TUBB6: variants seen among roughly 807,000 people sequenced by gnomAD.
The protein encoded by TUBB6 is tubulin beta-6 chain.
Under a neutral mutation model 32.3 loss-of-function variants are expected in TUBB6, and 18 were observed. That is an observed-to-expected ratio of 0.56 (90% confidence interval 0.39 to 0.83). The LOEUF (loss-of-function observed/expected upper bound fraction) is 0.83. Ranked by LOEUF, TUBB6 falls within the 40% of genes least tolerant of loss-of-function variation. The pLI is 0.00. For synonymous variants in TUBB6, 280 were observed against 265.8 expected, an observed-to-expected ratio of 1.05 and a Z score of -0.52; for missense variants, 480 against 632.0, an observed-to-expected ratio of 0.76 and a Z score of 2.58.
chr18:12,317,139 G>C (rs1387211049), intron 3 of TUBB6, among the ~76,000 whole-genome samples: 1 of 149,362 alleles, frequency 6.7e-6, no homozygotes, highest in Non-Finnish European at 1.5e-5. Context: ...CTGGGTGATG[G>C]AGTGAGACCC....
At chr18:12,308,606 G>A in intron 1 of TUBB6, 81 bp from the exon 2 acceptor site, 1 of 1,102,814 alleles carries the variant, frequency 9.1e-7, no homozygotes, top group East Asian at 2.5e-5. Flanking sequence ...TCGGCCGCCG[G>A]GGCGCCTGGG....
intron 3 of TUBB6, among the ~76,000 whole-genome samples, chr18:12,315,666 A>G (rs77793317): frequency 0.018 from 2,728 of 152,342 alleles, 66 homozygotes; most frequent in African/African-American, 0.061. Flanking sequence ...GGACTCACGC[A>G]TAGAGGAGCC....
rs374385700 is a variant in TUBB6 at position 12,325,042 on chromosome 18, C to T, written c.278-25C>T. 8 of 1,544,632 alleles carry T rather than the reference C, an allele frequency of 5.2e-6. No individual in the cohort carries two copies. The African/African-American group carries it at 8.2e-5, about 16-fold the overall frequency. ...ATGGCGCAGCCCTTTCCTGTTTAAACGGCACGGGACTCTCTTTGTTGCAGG... is the reference window on the plus strand; with the variant it reads ...ATGGCGCAGCCCTTTCCTGTTTAAATGGCACGGGACTCTCTTTGTTGCAGG... On this transcript the variant is annotated intron_variant, in intron 3 of 3. Transcript: ENST00000317702.
intron 3 of TUBB6, chr18:12,324,733 G>A: frequency 2.4e-6 from 3 of 1,245,318 alleles, no homozygotes; most frequent in Non-Finnish European, 3.0e-6. Context: ...TTACAGGCAT[G>A]AGCCACGGCG....
Position 12,308,343 on chromosome 18 carries a change from CA to C in TUBB6, c.52del (p.Thr18ProfsTer6). The C allele has an allele frequency of 6.8e-7, 1 of 1,477,282 alleles. No individual in the cohort carries two copies. Among genetic ancestry groups the C allele is most frequent in the South Asian group, 1.3e-5 (1 of 77,696 alleles). The allele number at this position is 1,477,282 out of a possible 1,614,324, so 91.5% of individuals were successfully genotyped here. On this transcript the variant is annotated frameshift_variant, in exon 1 of 4. Coordinates refer to ENST00000317702, the MANE Select transcript of TUBB6 (RefSeq NM_032525.3). LOFTEE classifies it high-confidence loss of function. The stretch of plus-strand genomic sequence containing the variant: ...CGGGCCAGTGCGGGAACCAGATCGG[CA>C]CCAAGGTGGGCCTGGCGCGGTGCAG... ...QAGQCGNQIG[T>X]KFWEVISDEH... is the part of the protein sequence containing the mutation.
At chr18:12,308,639 C>G (rs1052974005) in intron 1 of TUBB6, 48 bp from the exon 2 acceptor site, 4 of 1,373,402 alleles carry the variant, frequency 2.9e-6, no homozygotes, top group Non-Finnish European at 4.1e-6. Flanking sequence ...GGCGGCGTCC[C>G]GGGCTCTGGG....
intron 3 of TUBB6, among the ~76,000 whole-genome samples, chr18:12,323,383 C>T (rs1907086109): frequency 1.3e-5 from 2 of 152,086 alleles, no homozygotes. Context: ...GAAAAAAATG[C>T]TTCTGCTAGT....
chr18:12,312,363 G>C (rs926922574), intron 3 of TUBB6, among the ~76,000 whole-genome samples: 1 of 152,198 alleles, frequency 6.6e-6, no homozygotes, highest in Non-Finnish European at 1.5e-5. Flanking sequence ...GAGGCAGACA[G>C]TGTAATGGTT....
At chr18:12,317,791 A>G (rs1428624943) in intron 3 of TUBB6, among the ~76,000 whole-genome samples, 1 of 152,232 alleles carries the variant, frequency 6.6e-6, no homozygotes, top group Non-Finnish European at 1.5e-5. Flanking sequence ...GTCTGGAGTC[A>G]CTGACTAACA....
Position 12,326,271 on chromosome 18 carries a change from G to C in TUBB6, c.*141G>C, listed in dbSNP as rs1015535630. On this transcript the variant is annotated 3_prime_UTR_variant, in exon 4 of 4. Coordinates refer to ENST00000317702, the MANE Select transcript of TUBB6 (RefSeq NM_032525.3). ...CCCCTCACAAATGCAGCCAAGTCAT[G>C]TAATTAGTCATCTGGAACAAAGACT... The C allele has an allele frequency of 7.9e-7, 1 of 1,264,134 alleles. No individual in the cohort carries two copies. 78.3% of individuals were successfully genotyped at this position (1,264,134 alleles called of 1,614,324 possible).
intron 3 of TUBB6, among the ~76,000 whole-genome samples, chr18:12,321,052 G>A (rs984037611): frequency 6.6e-6 from 1 of 152,158 alleles, no homozygotes; most frequent in Non-Finnish European, 1.5e-5. Context: ...TTTCCCTTAT[G>A]AGAAGGGTTT....
In TUBB6 at chr18:12,325,827, C is replaced by T. The variant is rs1266583226; in HGVS notation, c.1038C>T (p.Pro346=). 2 of 1,614,106 alleles carry T rather than the reference C, an allele frequency of 1.2e-6. No homozygotes were observed. Among genetic ancestry groups the T allele is most frequent in the African/African-American group, 2.7e-5 (2 of 74,942 alleles). Residue 346 remains proline (P), a synonymous_variant, in exon 4 of 4, where the codon CCC becomes CCT. Coordinates refer to ENST00000317702, the MANE Select transcript of TUBB6 (RefSeq NM_032525.3). ...KNSSYFVEWI[P]NNVKVAVCDI... is the part of the protein sequence containing the mutation. ...GCAGCTACTTCGTGGAGTGGATTCC[C>T]AACAACGTGAAGGTGGCCGTGTGCG...
upstream of TUBB6, chr18:12,308,231 G>A: frequency 7.9e-7 from 1 of 1,259,790 alleles, no homozygotes; most frequent in Non-Finnish European, 1.0e-6. Context: ...GACGCGCGCA[G>A]CCGGCCCGCA....
At position 12,326,088 on chromosome 18, in the gene TUBB6, G is replaced by A. The variant is rs1055479064; in HGVS notation, c.1299G>A (p.Gly433=). ...QQYQDATAND[G]EEAFEDEEEE... Reference sequence around the variant, plus strand: ...ACCAGGATGCCACCGCCAATGACGGGGAGGAAGCTTTTGAGGATGAGGAAG... The same window carrying A: ...ACCAGGATGCCACCGCCAATGACGGAGAGGAAGCTTTTGAGGATGAGGAAG... The change falls in exon 4 of 4, where the codon GGG becomes GGA. Residue 433 remains glycine, a synonymous_variant. Transcript: ENST00000317702. The A allele has an allele frequency of 2.5e-6, 4 of 1,614,002 alleles. No homozygotes were observed. In the African/African-American group the frequency reaches 5.3e-5, roughly 22 times the overall value.
chr18:12,315,873 T>C (rs1906646114), intron 3 of TUBB6, among the ~76,000 whole-genome samples: 1 of 152,256 alleles, frequency 6.6e-6, no homozygotes, highest in Admixed American at 6.5e-5. Flanking sequence ...GCCGGTTTTA[T>C]TTCTTAAATG....
chr18:12,326,834 A>G (rs1413903069), downstream of TUBB6, among the ~76,000 whole-genome samples: 1 of 152,170 alleles, frequency 6.6e-6, no homozygotes, highest in East Asian at 1.9e-4. Flanking sequence ...TTCCCAAGTC[A>G]GGTCCTGGGC....
chr18:12,329,534 G>A (rs1455862259), downstream of TUBB6: 2 of 1,600,030 alleles, frequency 1.2e-6, no homozygotes, highest in African/African-American at 2.7e-5. Context: ...AAACCACAGT[G>A]GACAGACTGA....
intron 3 of TUBB6, among the ~76,000 whole-genome samples, chr18:12,324,334 C>A (rs1232402162): frequency 2.0e-5 from 3 of 152,002 alleles, no homozygotes; most frequent in East Asian, 1.9e-4. Context: ...TGCGCCACTG[C>A]ACTCCAGCCT....
Position 12,326,359 on chromosome 18 carries a change from T to A in TUBB6, c.*229T>A. 3.4e-6 allele frequency: 2 copies of A among 592,502 alleles called. No individual in the cohort carries two copies. The highest frequency in any genetic ancestry group is 5.6e-6 in the Non-Finnish European group (2 of 359,324). 36.7% of individuals were successfully genotyped at this position (592,502 alleles called of 1,614,324 possible). A position where few individuals can be genotyped will look rare whatever the true frequency, so the allele number is the denominator to read the frequency against. ...AGATCACACCATGGAGACTTTCTAC[T>A]AGAGGACTTGAAAGAGAACTGAGGG... On this transcript the variant is annotated 3_prime_UTR_variant, in exon 4 of 4. Coordinates refer to ENST00000317702, the MANE Select transcript of TUBB6 (RefSeq NM_032525.3).
Sources: gnomAD v4.1 joint callset for allele counts (sites outside exome capture counted in the v4.1 genomes callset) on GRCh38, gnomAD v4.1.1 for gene constraint, MANE v1.5 for transcripts, NCBI Gene and HGNC (gene_info 2026-07-23, HGNC 2026-07-21) for gene names.